Variants in TWNK observed in about 807,000 individuals in gnomAD.
The protein encoded by TWNK is T7 gp4-like protein with intramitochondrial nucleoid localization.
Under a neutral mutation model 58.2 loss-of-function variants are expected in TWNK, and 36 were observed. The observed-to-expected ratio is 0.62, with a 90% CI of 0.47 to 0.82. The LOEUF (loss-of-function observed/expected upper bound fraction) is 0.82, where lower values mean the gene tolerates loss of function less well. TWNK is among the 40% of genes least tolerant of loss of function. TWNK has a pLI of 0.00. For synonymous variants in TWNK, 349 were observed against 348.5 expected (o/e 1.00, Z -0.02); for missense variants, 714 against 881.0 (o/e 0.81, Z 2.40).
chr10:100,991,076 C>A (rs570924095), intron 4 of TWNK, 66 bp downstream of exon 4: 191 of 1,607,910 alleles, frequency 1.2e-4, no homozygotes, highest in Non-Finnish European at 1.5e-4. Flanking sequence ...CAGGGACAGC[C>A]CTCATTCAGC....
rs577179601 is a variant in TWNK at position 100,993,179 on chromosome 10, C to G, written c.1735-11C>G. 9 of 1,614,092 alleles carry G rather than the reference C, an allele frequency of 5.6e-6. No homozygotes were observed. The highest frequency in any genetic ancestry group is 7.6e-6 in the Non-Finnish European group (9 of 1,179,998). On this transcript the variant is annotated splice_polypyrimidine_tract_variant and intron_variant, in intron 4 of 4. Coordinates refer to ENST00000311916, the MANE Select transcript of TWNK (RefSeq NM_021830.5). ...ACTCCTGCTTTCCTCCTTCTGCCCC[C>G]TGTTCCCCAGGCAAGCCAGGAAGCA...
Position 100,993,479 on chromosome 10 carries a change from A to G in TWNK, c.2024A>G (p.Asp675Gly), listed in dbSNP as rs1468393473. 1 of 1,614,122 alleles carries G rather than the reference A, an allele frequency of 6.2e-7. No individual in the cohort carries two copies. The highest frequency in any genetic ancestry group is 1.7e-5 in the Admixed American group (1 of 60,028). The change falls in exon 5 of 5, where the codon GAC (aspartate) becomes GGC (glycine). Residue 675 changes from aspartate to glycine, a missense_variant. Around this residue, in one of 3 missense-constraint regions of TWNK, gnomAD observed 64 missense variants for 54.0 expected, o/e 1.19. Coordinates refer to ENST00000311916, the MANE Select transcript of TWNK (RefSeq NM_021830.5). ...EICSGQAPTP[D>G]QPDTSKRSK ...TGCTCAGGCCAGGCCCCCACTCCCG[A>G]CCAGCCAGACACCTCCAAGCGTTCA... is the stretch of plus-strand genomic sequence containing the variant.
chr10:100,993,929 A>T lies in TWNK; in HGVS notation c.*419A>T, dbSNP rs187553791. On this transcript the variant is annotated 3_prime_UTR_variant, in exon 5 of 5. Transcript: ENST00000311916. ...GCCGAGGGCATGTGAGCTGGGGCCT[A>T]AACAACTAGAAGGAGAGAGCCACGT... 2.0e-3 allele frequency: 405 copies of T among 203,512 alleles called. No individual in the cohort carries two copies. The highest frequency in any genetic ancestry group is 3.0e-3 in the Non-Finnish European group (294 of 97,796). The allele number at this position is 203,512 out of a possible 1,614,324, so 12.6% of individuals were successfully genotyped here. A position where few individuals can be genotyped will look rare whatever the true frequency, so the allele number is the denominator to read the frequency against.
rs1221747811 is a variant in TWNK at position 100,987,737 on chromosome 10, T to G, written c.-474T>G. 1.7e-6 allele frequency: 1 copy of G among 583,106 alleles called. No homozygotes were observed. The highest frequency in any genetic ancestry group is 1.9e-5 in the African/African-American group (1 of 53,520). 36.1% of individuals were successfully genotyped at this position (583,106 alleles called of 1,614,324 possible). ...GATTGGCGGGAGTCGTGCTGGGTGCTCTCGCCGTGTTGAGGTCCCAGTGAG... is the reference window on the plus strand; with the variant it reads ...GATTGGCGGGAGTCGTGCTGGGTGCGCTCGCCGTGTTGAGGTCCCAGTGAG... On this transcript the variant is annotated 5_prime_UTR_variant, in exon 1 of 5. Transcript: ENST00000311916.
rs1270042333 is a variant in TWNK at position 100,988,156 on chromosome 10, C to T, written c.-55C>T. 1.2e-5 allele frequency: 20 copies of T among 1,603,352 alleles called. No individual in the cohort carries two copies. The highest frequency in any genetic ancestry group is 5.0e-5 in the Admixed American group (3 of 60,010). On this transcript the variant is annotated 5_prime_UTR_variant, in exon 1 of 5. In the 5' UTR this introduces an upstream ATG that the reference lacks. Transcript: ENST00000311916. The surrounding 1 kb of genome is among the most constrained non-coding windows in gnomAD (Gnocchi z 5.2). ...CCTAGAGTTTGGTCTAGTGAAGGCA[C>T]GCTAACCAGGCACCTAAGGCATTTC...
In TWNK at chr10:100,993,642, G is replaced by C; in HGVS notation, c.*132G>C. ...AGTCTGAGGGGCCTAACCTAGAGCAGGTTTCCATAGTGAGAAAATTCAATG... is the reference window on the plus strand; with the variant it reads ...AGTCTGAGGGGCCTAACCTAGAGCACGTTTCCATAGTGAGAAAATTCAATG... On this transcript the variant is annotated 3_prime_UTR_variant, in exon 5 of 5. Coordinates refer to ENST00000311916, the MANE Select transcript of TWNK (RefSeq NM_021830.5). 1.0e-6 allele frequency: 1 copy of C among 1,000,522 alleles called. No homozygotes were observed. The highest frequency in any genetic ancestry group is 1.5e-6 in the Non-Finnish European group (1 of 667,470). The allele number at this position is 1,000,522 out of a possible 1,614,324, so 62.0% of individuals were successfully genotyped here. A position where few individuals can be genotyped will look rare whatever the true frequency, so the allele number is the denominator to read the frequency against.
At chr10:100,993,071 C>A in intron 4 of TWNK, 119 bp from the exon 5 acceptor site, 1 of 1,065,354 alleles carries the variant, frequency 9.4e-7, no homozygotes, top group Non-Finnish European at 1.4e-6. Context: ...CAGGCGTGAG[C>A]CATTGTACCC....
chr10:100,992,057 G>A lies in TWNK; in HGVS notation c.1734+1047G>A, dbSNP rs12770676. Among the ~76,000 whole-genome samples, 5 of 147,278 alleles carry A rather than the reference G, an allele frequency of 3.4e-5. No homozygotes were observed. The East Asian group carries it at 8.1e-4, about 24-fold the overall frequency. On this transcript the variant is annotated intron_variant, in intron 4 of 4. Coordinates refer to ENST00000311916, the MANE Select transcript of TWNK (RefSeq NM_021830.5). ...ATAATATATATATATTTAAAAATTA[G>A]CTGGGCATGGTAGCATGCACCTTTG...
At chr10:100,991,045 A>G in intron 4 of TWNK, 35 bp downstream of exon 4, 1 of 1,613,550 alleles carries the variant, frequency 6.2e-7, no homozygotes, top group Non-Finnish European at 8.5e-7. Context: ...AGCTTTGGAA[A>G]ATAGAGTGGG....
Position 100,987,859 on chromosome 10 carries a change from ATGCTGT to A in TWNK, c.-351_-346del. The A allele has an allele frequency of 1.7e-6, 1 of 593,492 alleles. No homozygotes were observed. 36.8% of individuals were successfully genotyped at this position (593,492 alleles called of 1,614,324 possible). A position where few individuals can be genotyped will look rare whatever the true frequency, so the allele number is the denominator to read the frequency against. On this transcript the variant is annotated 5_prime_UTR_variant, in exon 1 of 5. An upstream start codon of the reference 5' UTR is lost. Coordinates refer to ENST00000311916, the MANE Select transcript of TWNK (RefSeq NM_021830.5). Reference sequence around the variant, plus strand: ...CTATAGAAATGAGGACGACGAGGAGATGCTGTGGAGGAGCAGTAGAGGTGAGAAGAT... The same window carrying A: ...CTATAGAAATGAGGACGACGAGGAGAGGAGGAGCAGTAGAGGTGAGAAGAT...
rs556716598 is a variant in TWNK at position 100,993,872 on chromosome 10, T to C, written c.*362T>C. 25 of 288,418 alleles carry C rather than the reference T, an allele frequency of 8.7e-5. 1 individual carries two copies. The highest frequency in any genetic ancestry group is 8.5e-4 in the South Asian group (23 of 27,108). The allele number at this position is 288,418 out of a possible 1,614,324, so 17.9% of individuals were successfully genotyped here. A position where few individuals can be genotyped will look rare whatever the true frequency, so the allele number is the denominator to read the frequency against. The stretch of plus-strand genomic sequence containing the variant: ...ATGCGATAGAGTGCTGGCAGGCTAG[T>C]GTAGATAAGTGGTCTGAAAAGGTGT... On this transcript the variant is annotated 3_prime_UTR_variant, in exon 5 of 5. Transcript: ENST00000311916.
chr10:100,993,220 C>T lies in TWNK; in HGVS notation c.1765C>T (p.Leu589=). Residue 589 remains leucine (L), a synonymous_variant, in exon 5 of 5, where the codon CTG becomes TTG. Transcript: ENST00000311916. ...CCAGGAAGCAGACAATGTTCTGATC[C>T]TGCAGGACAGGAAGCTGGTAACCGG... ...ASQEADNVLI[L]QDRKLVTGPG... is the part of the protein sequence containing the mutation. 2 of 1,614,228 alleles carry T rather than the reference C, an allele frequency of 1.2e-6. No homozygotes were observed. Among genetic ancestry groups the T allele is most frequent in the Non-Finnish European group, 1.7e-6 (2 of 1,180,050 alleles).
chr10:100,989,013 A>C lies in TWNK; in HGVS notation c.803A>C (p.Asp268Ala). The change falls in exon 1 of 5, where the codon GAC (aspartate) becomes GCC (alanine). Residue 268 changes from aspartate (D) to alanine (A), a missense_variant. Physicochemically the swap from Asp to Ala is moderately radical, Grantham distance 126. Coordinates refer to ENST00000311916, the MANE Select transcript of TWNK (RefSeq NM_021830.5). This position sits in a 1 kb window ranked among gnomAD's most constrained non-coding sequence, Gnocchi z 7.6. ...AEVVLTSREL[D>A]SLALNQSTGL... The stretch of plus-strand genomic sequence containing the variant: ...GTGGTACTGACGAGTCGTGAGCTTG[A>C]CAGCCTGGCCTTGAACCAGTCCACG... 6.2e-7 allele frequency: 1 copy of C among 1,614,102 alleles called. No individual in the cohort carries two copies. Among genetic ancestry groups the C allele is most frequent in the Non-Finnish European group, 8.5e-7 (1 of 1,180,016 alleles).
Position 100,991,066 on chromosome 10 carries a change from C to T in TWNK, c.1734+56C>T, listed in dbSNP as rs1168908513. On this transcript the variant is annotated intron_variant, in intron 4 of 4. Transcript: ENST00000311916. ...GGAAAATAGAGTGGGTAGGTGTGACCAGGGACAGCCCTCATTCAGCCTTAA... is the reference window on the plus strand; with the variant it reads ...GGAAAATAGAGTGGGTAGGTGTGACTAGGGACAGCCCTCATTCAGCCTTAA... The T allele has an allele frequency of 2.5e-6, 4 of 1,610,974 alleles. No individual in the cohort carries two copies. In the South Asian group the frequency reaches 4.4e-5, roughly 18 times the overall value.
chr10:100,992,204 T>C (rs1391383840), intron 4 of TWNK, among the ~76,000 whole-genome samples: 1 of 118,884 alleles, frequency 8.4e-6, no homozygotes, highest in South Asian at 3.0e-4. Context: ...TGAGACCCTA[T>C]CTTTTTTTTT....
In TWNK at chr10:100,989,143, C is replaced by T. The variant is rs1367151585; in HGVS notation, c.933C>T (p.Asp311=). The T allele has an allele frequency of 1.9e-6, 3 of 1,612,118 alleles. No individual in the cohort carries two copies. Among genetic ancestry groups the T allele is most frequent in the South Asian group, 2.2e-5 (2 of 91,052 alleles). Residue 311 remains aspartate (D), a synonymous_variant, in exon 1 of 5, where the codon GAC becomes GAT. Coordinates refer to ENST00000311916, the MANE Select transcript of TWNK (RefSeq NM_021830.5). This position sits in a 1 kb window ranked among gnomAD's most constrained non-coding sequence, Gnocchi z 7.6. ...FRRIVFWLGD[D]LRSWEAAKLF... ...GGATTGTATTCTGGTTGGGGGATGA[C>T]CTTCGGTCCTGGGAAGCCGCCAAGT...
In TWNK at chr10:100,987,977, G is replaced by C; in HGVS notation, c.-234G>C. ...GAGAAACTAACTAACGGACCATAGA[G>C]GTGGGGGAGCCATTGTAGAAGGACG... On this transcript the variant is annotated 5_prime_UTR_variant, in exon 1 of 5. Transcript: ENST00000311916. 1.6e-6 allele frequency: 1 copy of C among 641,564 alleles called. No individual in the cohort carries two copies. Among genetic ancestry groups the C allele is most frequent in the Non-Finnish European group, 2.8e-6 (1 of 355,398 alleles). The allele number at this position is 641,564 out of a possible 1,614,324, so 39.7% of individuals were successfully genotyped here. A position where few individuals can be genotyped will look rare whatever the true frequency, so the allele number is the denominator to read the frequency against.
In TWNK at chr10:100,987,656, T is replaced by A; in HGVS notation, c.-555T>A. 1.6e-6 allele frequency: 1 copy of A among 644,754 alleles called. No homozygotes were observed. The highest frequency in any genetic ancestry group is 2.6e-6 in the Non-Finnish European group (1 of 379,370). The allele number at this position is 644,754 out of a possible 1,614,324, so 39.9% of individuals were successfully genotyped here. ...GCCGGCGCGGCGGAGCTCGGAGTAG[T>A]AGAGCGGAGTGAAGACACGGGGGAG... On this transcript the variant is annotated 5_prime_UTR_variant, in exon 1 of 5. Transcript: ENST00000311916.
At chr10:100,991,478 T>C (rs1472146505) in intron 4 of TWNK, among the ~76,000 whole-genome samples, 2 of 152,154 alleles carry the variant, frequency 1.3e-5, no homozygotes, top group Non-Finnish European at 2.9e-5. Flanking sequence ...TTACACTGAA[T>C]GCCTATTACA....
Sources: allele counts gnomAD v4.1 joint callset (sites outside exome capture counted in the v4.1 genomes callset), GRCh38; gene constraint gnomAD v4.1.1; regional missense constraint gnomAD v4.1.1; non-coding constraint Gnocchi (gnomAD v3.1); transcripts MANE v1.5; gene names NCBI Gene and HGNC (gene_info 2026-07-23, HGNC 2026-07-21).